ANKRD12: variants seen among roughly 807,000 people sequenced by gnomAD.
ANKRD12 encodes the protein ankyrin repeat domain-containing protein 12.
A neutral mutation model predicts 183.4 loss-of-function variants in ANKRD12; 85 were observed. That is an observed-to-expected ratio of 0.46 (90% CI 0.39 to 0.56). The LOEUF (loss-of-function observed/expected upper bound fraction) is 0.56. Among genes scored for constraint, ANKRD12 ranks in the 20% least tolerant of loss-of-function variants. The probability of loss-of-function intolerance (pLI) is 0.00; values close to 1 mark genes in which losing one functional copy is unlikely to be tolerated. For missense variants in ANKRD12, 2,405 were observed against 2,357.1 expected (o/e 1.02, Z -0.42); for synonymous variants, 914 against 800.2 (o/e 1.14, Z -2.40).
chr18:9,266,498 T>A (rs934952277), intron 10 of ANKRD12, among the ~76,000 whole-genome samples: 8 of 152,188 alleles, frequency 5.3e-5, no homozygotes, highest in African/African-American at 1.7e-4. Context: ...AACCCAGAAT[T>A]TCATATCCGG....
intron 1 of ANKRD12, among the ~76,000 whole-genome samples, chr18:9,153,132 C>T (rs2078738130): frequency 6.6e-6 from 1 of 152,162 alleles, no homozygotes; most frequent in Non-Finnish European, 1.5e-5. Context: ...CTGTACCCAG[C>T]CCATAGATTT....
chr18:9,208,169 G>A (rs535539993), intron 4 of ANKRD12, among the ~76,000 whole-genome samples: 7 of 152,240 alleles, frequency 4.6e-5, no homozygotes, highest in Admixed American at 4.6e-4. Flanking sequence ...TTTTTCGATA[G>A]TTGTTCTGTG....
intron 2 of ANKRD12, among the ~76,000 whole-genome samples, chr18:9,184,325 G>A (rs1382827895): frequency 6.6e-6 from 1 of 152,034 alleles, no homozygotes; most frequent in African/African-American, 2.4e-5. Context: ...CTTACTATAA[G>A]GCAAGTCTTC....
intron 1 of ANKRD12, among the ~76,000 whole-genome samples, chr18:9,141,150 A>G (rs1024801665): frequency 1.3e-5 from 2 of 151,766 alleles, no homozygotes; most frequent in Non-Finnish European, 2.9e-5. Context: ...GAAAAGAAGT[A>G]CCTTATGGGA....
At chr18:9,148,311 AAT>A (rs758322037) in intron 1 of ANKRD12, among the ~76,000 whole-genome samples, 1 of 150,848 alleles carries the variant, frequency 6.6e-6, no homozygotes, top group Admixed American at 6.6e-5. Context: ...GGGAGGGAAA[AAT>A]ATATATATAT....
intron 9 of ANKRD12, among the ~76,000 whole-genome samples, chr18:9,262,660 A>G (rs917958687): frequency 8.6e-5 from 13 of 151,480 alleles, no homozygotes; most frequent in East Asian, 5.8e-4. Context: ...GGGGGTCTCA[A>G]TATGTTGCCC....
intron 8 of ANKRD12, among the ~76,000 whole-genome samples, chr18:9,253,695 A>G (rs1474755692): frequency 6.6e-6 from 1 of 152,190 alleles, no homozygotes; most frequent in Admixed American, 6.5e-5. Context: ...CCCCATTTGA[A>G]ATGGCTTTTA....
At chr18:9,189,933 A>T (rs1489318167) in intron 2 of ANKRD12, among the ~76,000 whole-genome samples, 1 of 152,228 alleles carries the variant, frequency 6.6e-6, no homozygotes, top group African/African-American at 2.4e-5. Context: ...GAATAATTTT[A>T]ACTTTTTAAA....
intron 7 of ANKRD12, among the ~76,000 whole-genome samples, chr18:9,218,665 C>CTTTTTT (rs58382120): frequency 2.1e-5 from 3 of 142,894 alleles, no homozygotes; most frequent in Non-Finnish European, 1.5e-5. Context: ...CTTCTTTTTT[C>CTTTTTT]TTTTTTTTTT....
chr18:9,238,276 C>G (rs922107842), intron 8 of ANKRD12, among the ~76,000 whole-genome samples: 4 of 152,080 alleles, frequency 2.6e-5, no homozygotes, highest in African/African-American at 9.7e-5. Flanking sequence ...CTTTCTGGAC[C>G]CTCTTCTCAT....
At chr18:9,137,297 CGCGGG>C (rs1386658932) in intron 1 of ANKRD12, among the ~76,000 whole-genome samples, 4 of 146,402 alleles carry the variant, frequency 2.7e-5, no homozygotes, top group Non-Finnish European at 6.1e-5. Flanking sequence ...GGGGGCGCTG[CGCGGG>C]GCGGGGCGGG....
intron 1 of ANKRD12, among the ~76,000 whole-genome samples, chr18:9,181,206 A>G (rs796169611): frequency 6.6e-6 from 1 of 152,280 alleles, no homozygotes; most frequent in African/African-American, 2.4e-5. Context: ...TTGTGTTGTA[A>G]TGTATTCTGA....
At chr18:9,183,403 A>G (rs533095738) in intron 2 of ANKRD12, among the ~76,000 whole-genome samples, 70 of 152,260 alleles carry the variant, frequency 4.6e-4, no homozygotes, top group African/African-American at 1.6e-3. Context: ...ATTTACTTAG[A>G]TCTTCAATTT....
chr18:9,254,265 C>G lies in ANKRD12; in HGVS notation c.998C>G (p.Ser333Cys), dbSNP rs1316637822. ...NPSSVDENID[S>C]ETEKDSLICE... ...TCTAGTGTTGATGAAAATATTGACT[C>G]TGAAACAGAGAAAGACTCTCTCATC... is the stretch of plus-strand genomic sequence containing the variant. The change falls in exon 9 of 13, where the codon TCT (serine) becomes TGT (cysteine). Residue 333 changes from serine to cysteine, a missense_variant. Ser to Cys is a moderately radical substitution (Grantham distance 112). Transcript: ENST00000262126. The G allele has an allele frequency of 2.5e-6, 4 of 1,605,346 alleles. No individual in the cohort carries two copies. The highest frequency in any genetic ancestry group is 3.4e-6 in the Non-Finnish European group (4 of 1,177,250).
rs1245143985 is a variant in ANKRD12, at chr18:9,208,786, C to T, written c.434C>T (p.Ala145Val). The change falls in exon 5 of 13, where the codon GCA (alanine) becomes GTA (valine). Residue 145 changes from alanine to valine, a missense_variant. Ala to Val is a moderately conservative substitution (Grantham distance 64, BLOSUM62 0). This residue lies in a region of ANKRD12 where 35 missense variants were observed against 37.5 expected (regional missense o/e 0.93). Coordinates refer to ENST00000262126, the MANE Select transcript of ANKRD12 (RefSeq NM_015208.5). Reference sequence around the variant, plus strand: ...ATGGCACTTCTTATGCAGATGACAGCAAGAGACAACAGTCCAGGTGATACC... The same window carrying T: ...ATGGCACTTCTTATGCAGATGACAGTAAGAGACAACAGTCCAGGTGATACC... ...KQMALLMQMT[A>V]RDNSPDSTPN... 1.2e-6 allele frequency: 2 copies of T among 1,601,168 alleles called. No homozygotes were observed. The highest frequency in any genetic ancestry group is 3.4e-5 in the Admixed American group (2 of 58,738).
At position 9,188,203 on chromosome 18, in the gene ANKRD12, G is replaced by T. The variant is rs1198557653; in HGVS notation, c.87+5684G>T. On this transcript the variant is annotated intron_variant, in intron 2 of 12. Transcript: ENST00000262126. ...TTCCCTGAGCCTCGCTTCTCACAAG[G>T]GGGATGCAGTGATGGGCAGATGACA... Among the ~76,000 whole-genome samples the T allele has an allele frequency of 3.9e-5, 6 of 152,206 alleles. No individual in the cohort carries two copies. The East Asian group carries it at 1.2e-3, about 29-fold the overall frequency.
chr18:9,258,685 A>G lies in ANKRD12; in HGVS notation c.5418A>G (p.Lys1806=). Residue 1806 remains lysine, a synonymous_variant, in exon 9 of 13, where the codon AAA becomes AAG. Transcript: ENST00000262126. ...TGAGTCCCTCTTTACTACAAGCAAA[A>G]GAGAAAACTCAGCAATCTCTGGCAG... is the stretch of plus-strand genomic sequence containing the variant. ...VQVSPSLLQA[K]EKTQQSLAAI... 1.2e-6 allele frequency: 2 copies of G among 1,613,972 alleles called. No homozygotes were observed. The highest frequency in any genetic ancestry group is 2.2e-5 in the South Asian group (2 of 91,070).
At chr18:9,264,407 G>A (rs1231900175) in intron 10 of ANKRD12, among the ~76,000 whole-genome samples, 1 of 152,128 alleles carries the variant, frequency 6.6e-6, no homozygotes, top group Admixed American at 6.5e-5. Flanking sequence ...CCTTTGGGGA[G>A]GGTTGAGGAC....
intron 2 of ANKRD12, among the ~76,000 whole-genome samples, chr18:9,193,997 A>G (rs2034618817): frequency 6.6e-6 from 1 of 152,202 alleles, no homozygotes; most frequent in African/African-American, 2.4e-5. Flanking sequence ...TTGGTATGTC[A>G]TTCTTTTTCT....
Sources: allele counts gnomAD v4.1 joint callset (sites outside exome capture counted in the v4.1 genomes callset), GRCh38; gene constraint gnomAD v4.1.1; regional missense constraint gnomAD v4.1.1; transcripts MANE v1.5; gene names NCBI Gene and HGNC (gene_info 2026-07-23, HGNC 2026-07-21).